The following ZFHX3 variants were observed in gnomAD, a reference collection of about 807,000 sequenced individuals.
ZFHX3 encodes the protein zinc finger homeobox protein 3.
A neutral mutation model predicts 279.1 loss-of-function variants in ZFHX3; 42 were observed. That is an observed-to-expected ratio of 0.15 (90% CI 0.12 to 0.19). The LOEUF is 0.19. Among genes scored for constraint, ZFHX3 ranks in the 10% least tolerant of loss-of-function variants. ZFHX3 has a pLI of 1.00. For missense variants in ZFHX3, 4,981 were observed against 4,754.0 expected, an observed-to-expected ratio of 1.05 and a Z score of -1.40; for synonymous variants, 2,293 against 1,957.8, an observed-to-expected ratio of 1.17 and a Z score of -4.52.
At chr16:73,810,036 C>T (rs144808349) in intron 1 of ZFHX3, among the ~76,000 whole-genome samples, 2 of 152,252 alleles carry the variant, frequency 1.3e-5, no homozygotes, top group Non-Finnish European at 2.9e-5. Flanking sequence ...AGAATGTGAA[C>T]GTTGGTCACA....
rs2143268309 is a variant in ZFHX3 at position 72,787,331 on chromosome 16, A to G, written c.10945T>C (p.Ser3649Pro). The G allele has an allele frequency of 2.5e-6, 4 of 1,613,856 alleles. No homozygotes were observed. Among genetic ancestry groups the G allele is most frequent in the Non-Finnish European group, 3.4e-6 (4 of 1,179,954 alleles). Reference sequence around the variant, plus strand: ...GTTGGCATCGAGGGCTGAACCCCTGAGGTGCTGCATGAACTTGAGGTAACC... The same window carrying G: ...GTTGGCATCGAGGGCTGAACCCCTGGGGTGCTGCATGAACTTGAGGTAACC... ...STVTSSSCST[S>P]GVQPSMPTDD... The change falls in exon 10 of 10, where the codon TCA (serine) becomes CCA (proline). Residue 3649 changes from serine (S) to proline (P), a missense_variant. Ser to Pro is a moderately conservative substitution (Grantham distance 74). Coordinates refer to ENST00000268489, the MANE Select transcript of ZFHX3 (RefSeq NM_006885.4).
At chr16:73,749,108 T>C (rs1331305791) in intron 1 of ZFHX3, among the ~76,000 whole-genome samples, 6 of 152,094 alleles carry the variant, frequency 3.9e-5, no homozygotes, top group African/African-American at 1.2e-4. Context: ...CTTTCTAAAC[T>C]ACCAATCTTT....
At chr16:72,952,931 C>A (rs764992922) in intron 2 of ZFHX3, among the ~76,000 whole-genome samples, 5 of 152,176 alleles carry the variant, frequency 3.3e-5, no homozygotes, top group Non-Finnish European at 7.3e-5. Context: ...GCCCCACCCC[C>A]CAAGTGAAAT....
intron 2 of ZFHX3, among the ~76,000 whole-genome samples, chr16:73,467,073 A>G (rs1256973673): frequency 6.6e-6 from 1 of 152,192 alleles, no homozygotes; most frequent in Non-Finnish European, 1.5e-5. Context: ...AGGAAGAGCT[A>G]CTTGAGGAGA....
chr16:73,537,367 AG>A (rs979764279), intron 2 of ZFHX3, among the ~76,000 whole-genome samples: 1 of 117,938 alleles, frequency 8.5e-6, no homozygotes, highest in African/African-American at 3.3e-5. Flanking sequence ...CCCAGGCTGG[AG>A]TGCAGTGGCG....
chr16:73,481,878 C>T (rs534725953), intron 2 of ZFHX3, among the ~76,000 whole-genome samples: 2 of 152,174 alleles, frequency 1.3e-5, no homozygotes, highest in East Asian at 3.9e-4. Context: ...CCCAGAAATG[C>T]ACGGTCATGG....
chr16:73,027,373 G>C (rs761578367), intron 1 of ZFHX3, among the ~76,000 whole-genome samples: 5 of 152,198 alleles, frequency 3.3e-5, no homozygotes, highest in Non-Finnish European at 7.3e-5. Flanking sequence ...TGCTTGCCTA[G>C]CAAACACCAA....
At chr16:73,890,308 T>C (rs928097745) in intron 1 of ZFHX3, among the ~76,000 whole-genome samples, 15 of 151,658 alleles carry the variant, frequency 9.9e-5, no homozygotes, top group African/African-American at 3.4e-4. Flanking sequence ...CTGTGCACAT[T>C]TGCAGGTGTT....
intron 1 of ZFHX3, among the ~76,000 whole-genome samples, chr16:73,687,064 A>ATATATT (rs2053096194): frequency 2.2e-5 from 2 of 92,938 alleles, no homozygotes; most frequent in African/African-American, 8.2e-5. Context: ...ATATATATAT[A>ATATATT]TTTGCAGCTT....
intron 1 of ZFHX3, among the ~76,000 whole-genome samples, chr16:73,846,151 G>A (rs1032389769): frequency 1.3e-5 from 2 of 152,126 alleles, no homozygotes; most frequent in East Asian, 1.9e-4. Flanking sequence ...ACTTGGCAGC[G>A]GTGGTTACAC....
chr16:73,813,600 T>C, intron 1 of ZFHX3, among the ~76,000 whole-genome samples: 1 of 152,164 alleles, frequency 6.6e-6, no homozygotes, highest in Non-Finnish European at 1.5e-5. Context: ...TTCCCACTCG[T>C]AGTAGGATTT....
intron 2 of ZFHX3, among the ~76,000 whole-genome samples, chr16:73,538,063 T>G (rs949456465): frequency 2.6e-5 from 4 of 152,152 alleles, no homozygotes; most frequent in Non-Finnish European, 5.9e-5. Context: ...ACTGTGCAAA[T>G]AAACAGATGG....
At chr16:73,547,741 C>G (rs1364215840) in intron 2 of ZFHX3, among the ~76,000 whole-genome samples, 1 of 152,182 alleles carries the variant, frequency 6.6e-6, no homozygotes, top group East Asian at 1.9e-4. Flanking sequence ...CAAACCCAGT[C>G]TGCCCCAGTG....
At chr16:73,316,345 T>C (rs2015447075) in intron 4 of ZFHX3, among the ~76,000 whole-genome samples, 1 of 152,174 alleles carries the variant, frequency 6.6e-6, no homozygotes, top group Non-Finnish European at 1.5e-5. Context: ...CCTCCCTTTC[T>C]TGCAGTGGCA....
chr16:73,473,365 A>AAAAAAAAAAAAAAAAAC (rs2018708335), intron 2 of ZFHX3, among the ~76,000 whole-genome samples: 22 of 130,128 alleles, frequency 1.7e-4, no homozygotes, highest in African/African-American at 6.2e-4. Flanking sequence ...AAACAAAAAA[A>AAAAAAAAAAAAAAAAAC]AAAAAAACAA....
At chr16:72,844,547 A>G (rs1385993201) in intron 4 of ZFHX3, among the ~76,000 whole-genome samples, 2 of 152,104 alleles carry the variant, frequency 1.3e-5, no homozygotes, top group Admixed American at 1.3e-4. Flanking sequence ...TTAAGGCCCA[A>G]AACACACTGG....
intron 3 of ZFHX3, among the ~76,000 whole-genome samples, chr16:73,423,575 A>C (rs2017757506): frequency 6.6e-6 from 1 of 152,156 alleles, no homozygotes; most frequent in African/African-American, 2.4e-5. Flanking sequence ...AGAGGTTTAG[A>C]AATTGGCTGG....
At chr16:73,113,863 C>G (rs930369884) in intron 7 of ZFHX3, among the ~76,000 whole-genome samples, 3 of 140,276 alleles carry the variant, frequency 2.1e-5, no homozygotes, top group African/African-American at 8.0e-5. Flanking sequence ...GGCGCGATCT[C>G]TGCTTACTGC....
intron 3 of ZFHX3, among the ~76,000 whole-genome samples, chr16:72,918,553 C>T (rs1040829179): frequency 1.3e-5 from 2 of 152,134 alleles, no homozygotes; most frequent in African/African-American, 4.8e-5. Flanking sequence ...ACAAAAGTAT[C>T]TCTACCCCTG....
Sources: gnomAD v4.1 joint callset for allele counts (sites outside exome capture counted in the v4.1 genomes callset) on GRCh38, gnomAD v4.1.1 for gene constraint, MANE v1.5 for transcripts, NCBI Gene and HGNC (gene_info 2026-07-23, HGNC 2026-07-21) for gene names.